The following DLGAP1 variants were observed in gnomAD, a reference collection of about 807,000 sequenced individuals.
The protein encoded by DLGAP1 is disks large-associated protein 1.
In DLGAP1, 11 loss-of-function variants were observed where a neutral mutation model predicts 90.8. That is an observed-to-expected ratio of 0.12 (90% confidence interval 0.08 to 0.20). The LOEUF is 0.20. Among genes scored for constraint, DLGAP1 ranks in the 10% least tolerant of loss-of-function variants. The pLI, the probability that DLGAP1 is intolerant of heterozygous loss-of-function variation, is 1.00. For synonymous variants in DLGAP1, 558 were observed against 540.7 expected (o/e 1.03, Z -0.44); for missense variants, 1,050 against 1,333.8 (o/e 0.79, Z 3.31).
chr18:3,516,496 A>G (rs1030599599), intron 10 of DLGAP1, among the ~76,000 whole-genome samples: 1 of 152,184 alleles, frequency 6.6e-6, no homozygotes, highest in African/African-American at 2.4e-5. Flanking sequence ...TTAACTAAGA[A>G]GACTTGCAAG....
rs1394034874 is a variant in DLGAP1, at chr18:3,600,769, T to TATATAG, written c.1592-18527_1592-18522dup. On this transcript the variant is annotated intron_variant, in intron 7 of 12. Transcript: ENST00000315677. ...ATAGATATATATAGATATATAGATA[T>TATATAG]ATATAGATATATAGATATATATAGA... Among the ~76,000 whole-genome samples, 9 of 117,606 alleles carry TATATAG rather than the reference T, an allele frequency of 7.7e-5. 1 individual carries two copies. The East Asian group carries it at 1.4e-3, about 19-fold the overall frequency. 77.2% of individuals were successfully genotyped at this position (117,606 alleles called of 152,430 possible).
At chr18:3,731,350 A>G (rs2062421812) in intron 6 of DLGAP1, among the ~76,000 whole-genome samples, 2 of 152,180 alleles carry the variant, frequency 1.3e-5, no homozygotes, top group African/African-American at 4.8e-5. Context: ...TACTTTGTAT[A>G]AAACTTGAAT....
intron 9 of DLGAP1, among the ~76,000 whole-genome samples, chr18:3,560,578 A>G: frequency 7.0e-6 from 1 of 143,024 alleles, no homozygotes. Flanking sequence ...TGACAGAGCA[A>G]GACTCAGTCT....
At chr18:4,166,091 T>C (rs1443916683) in intron 1 of DLGAP1, among the ~76,000 whole-genome samples, 1 of 152,110 alleles carries the variant, frequency 6.6e-6, no homozygotes, top group Non-Finnish European at 1.5e-5. Flanking sequence ...TTCAGGAATT[T>C]GAGGTTGCAG....
intron 1 of DLGAP1, among the ~76,000 whole-genome samples, chr18:4,185,862 C>T (rs545330062): frequency 2.6e-5 from 4 of 152,286 alleles, no homozygotes; most frequent in African/African-American, 7.2e-5. Flanking sequence ...AATCATCACA[C>T]TGCTTTTCAC....
At chr18:3,670,688 T>C (rs1461600026) in intron 7 of DLGAP1, among the ~76,000 whole-genome samples, 1 of 152,216 alleles carries the variant, frequency 6.6e-6, no homozygotes, top group Non-Finnish European at 1.5e-5. Flanking sequence ...TTATGAGAAA[T>C]TTCTAATTAA....
chr18:3,694,159 TA>T (rs1483185838), intron 7 of DLGAP1, among the ~76,000 whole-genome samples: 1 of 152,070 alleles, frequency 6.6e-6, no homozygotes. Flanking sequence ...CTTCCTGTGT[TA>T]GTTTGCTGAG....
intron 2 of DLGAP1, among the ~76,000 whole-genome samples, chr18:4,094,261 T>G (rs1598392015): frequency 6.6e-6 from 1 of 152,198 alleles, no homozygotes; most frequent in Non-Finnish European, 1.5e-5. Context: ...TAATCTTATC[T>G]CTTTCCTTTT....
At chr18:4,050,539 C>G (rs933788237) in intron 2 of DLGAP1, among the ~76,000 whole-genome samples, 2 of 152,116 alleles carry the variant, frequency 1.3e-5, no homozygotes, top group African/African-American at 4.8e-5. Flanking sequence ...TTATTATTGT[C>G]AATATAGGCT....
At position 3,873,211 on chromosome 18, in the gene DLGAP1, C is replaced by CAG. The variant is rs1261733283; in HGVS notation, c.957+5899_957+5900dup. Among the ~76,000 whole-genome samples the CAG allele has an allele frequency of 3.3e-5, 5 of 151,878 alleles. No individual in the cohort carries two copies. In the East Asian group the frequency reaches 7.7e-4, roughly 23 times the overall value. ...GACAATAGTGAGAATAAAAGAGAATCAGAGAGAGAGAATTAACAGAATTCT... is the reference window on the plus strand; with the variant it reads ...GACAATAGTGAGAATAAAAGAGAATCAGAGAGAGAGAGAATTAACAGAATTCT... On this transcript the variant is annotated intron_variant, in intron 4 of 12. Transcript: ENST00000315677.
chr18:3,675,259 C>T (rs1039222184), intron 7 of DLGAP1, among the ~76,000 whole-genome samples: 8 of 152,056 alleles, frequency 5.3e-5, no homozygotes, highest in Non-Finnish European at 8.8e-5. Flanking sequence ...TTAGTAGAGA[C>T]GGGATTTCAC....
At chr18:3,588,790 A>AG (rs1020336900) in intron 7 of DLGAP1, among the ~76,000 whole-genome samples, 1 of 151,530 alleles carries the variant, frequency 6.6e-6, no homozygotes, top group Admixed American at 6.6e-5. Context: ...AAAAAAAAAA[A>AG]AAAGAAAAAA....
chr18:4,216,950 C>A (rs9957213), intron 1 of DLGAP1, among the ~76,000 whole-genome samples: 1,889 of 152,140 alleles, frequency 0.012, 36 homozygotes, highest in African/African-American at 0.043. Context: ...GGAATTTTGA[C>A]AAACAATAAT....
At chr18:4,361,165 AAT>A (rs1189778553) in intron 1 of DLGAP1, among the ~76,000 whole-genome samples, 3 of 152,164 alleles carry the variant, frequency 2.0e-5, no homozygotes, top group Non-Finnish European at 4.4e-5. Flanking sequence ...TTAATATCTT[AAT>A]AATAATGTTT....
chr18:4,067,551 T>C (rs35008779), intron 2 of DLGAP1, among the ~76,000 whole-genome samples: 65,323 of 151,430 alleles, frequency 0.43, 14,994 homozygotes, highest in African/African-American at 0.59. Flanking sequence ...AATAAGATAC[T>C]AACATAACCC....
chr18:4,204,406 A>T (rs1227037853), intron 1 of DLGAP1, among the ~76,000 whole-genome samples: 1 of 152,202 alleles, frequency 6.6e-6, no homozygotes, highest in Non-Finnish European at 1.5e-5. Flanking sequence ...TTTCTCAGGA[A>T]ATTTCAAAAA....
chr18:3,639,047 C>T (rs2058826558), intron 7 of DLGAP1, among the ~76,000 whole-genome samples: 1 of 152,066 alleles, frequency 6.6e-6, no homozygotes, highest in Admixed American at 6.6e-5. Context: ...AGCTTTTTAC[C>T]CTCGTCGGTT....
intron 1 of DLGAP1, among the ~76,000 whole-genome samples, chr18:4,191,736 A>T (rs983413614): frequency 6.6e-6 from 1 of 152,216 alleles, no homozygotes; most frequent in Non-Finnish European, 1.5e-5. Context: ...AGGGAGGCAC[A>T]TTCTAAGCCT....
Position 3,765,117 on chromosome 18 carries a change from C to CTTTTTTTTTTT in DLGAP1, c.1173-22616_1173-22606dup, listed in dbSNP as rs921982904. Among the ~76,000 whole-genome samples, 988 of 126,158 alleles carry CTTTTTTTTTTT rather than the reference C, an allele frequency of 7.8e-3. 88 individuals carry two copies. The highest frequency in any genetic ancestry group is 0.017 in the East Asian group (60 of 3,458). 82.8% of individuals were successfully genotyped at this position (126,158 alleles called of 152,430 possible). A position where few individuals can be genotyped will look rare whatever the true frequency, so the allele number is the denominator to read the frequency against. On this transcript the variant is annotated intron_variant, in intron 5 of 12. Transcript: ENST00000315677. ...CAGAATCTCCATGCACACTTGCAAA[C>CTTTTTTTTTTT]TTTTTTTTTTTTCTTTTTTTTTTTT...
Sources: allele counts gnomAD v4.1 joint callset (sites outside exome capture counted in the v4.1 genomes callset), GRCh38; gene constraint gnomAD v4.1.1; transcripts MANE v1.5; gene names NCBI Gene and HGNC (gene_info 2026-07-23, HGNC 2026-07-21).